MTHFD1L: variants seen among roughly 807,000 people sequenced by gnomAD.
MTHFD1L encodes monofunctional C1-tetrahydrofolate synthase, mitochondrial.
MTHFD1L carries 81 observed loss-of-function variants against 119.5 expected under a neutral mutation model. The observed-to-expected ratio is 0.68, with a 90% CI of 0.57 to 0.82. MTHFD1L has a LOEUF of 0.82. Among genes scored for constraint, MTHFD1L ranks in the 40% least tolerant of loss-of-function variants. The probability of loss-of-function intolerance (pLI) is 0.00; values close to 1 mark genes in which losing one functional copy is unlikely to be tolerated. For synonymous variants in MTHFD1L, 430 were observed against 475.2 expected (o/e 0.90, Z 1.24); for missense variants, 1,125 against 1,253.4 (o/e 0.90, Z 1.55).
chr6:151,024,080 C>T (rs1784317296), intron 24 of MTHFD1L, among the ~76,000 whole-genome samples: 1 of 152,100 alleles, frequency 6.6e-6, no homozygotes, highest in Non-Finnish European at 1.5e-5. Context: ...TTCCAGTCTC[C>T]CCAGTCTCTG....
intron 13 of MTHFD1L, among the ~76,000 whole-genome samples, chr6:150,940,438 C>T (rs531841431): frequency 4.1e-4 from 63 of 152,116 alleles, no homozygotes; most frequent in Non-Finnish European, 8.1e-4. Flanking sequence ...AGACCCAGAA[C>T]CAGGAGGCCA....
intron 26 of MTHFD1L, among the ~76,000 whole-genome samples, chr6:151,087,626 A>G (rs1054590909): frequency 5.3e-5 from 8 of 152,266 alleles, no homozygotes; most frequent in African/African-American, 1.7e-4. Context: ...GTTAGAAATT[A>G]TGATTCTATC....
intron 8 of MTHFD1L, among the ~76,000 whole-genome samples, chr6:150,908,916 T>A (rs1786387177): frequency 6.6e-6 from 1 of 152,110 alleles, no homozygotes; most frequent in Non-Finnish European, 1.5e-5. Flanking sequence ...AGCTCTTATT[T>A]AAACTTAAGA....
chr6:150,874,010 T>A (rs1280758272), intron 1 of MTHFD1L, among the ~76,000 whole-genome samples: 1 of 152,094 alleles, frequency 6.6e-6, no homozygotes, highest in Non-Finnish European at 1.5e-5. Context: ...GTGATCCTTA[T>A]ACCATGAACC....
intron 20 of MTHFD1L, among the ~76,000 whole-genome samples, chr6:150,982,511 A>G (rs2128422981): frequency 6.6e-6 from 1 of 152,332 alleles, no homozygotes; most frequent in East Asian, 1.9e-4. Context: ...ATTCTTGTCC[A>G]TGTCTCTGAG....
chr6:151,019,638 G>A (rs1320135875), intron 24 of MTHFD1L, among the ~76,000 whole-genome samples: 1 of 152,180 alleles, frequency 6.6e-6, no homozygotes, highest in African/African-American at 2.4e-5. Flanking sequence ...TTCGATTTGA[G>A]CTGCATAATT....
At chr6:151,023,457 C>T (rs1191706122) in intron 24 of MTHFD1L, among the ~76,000 whole-genome samples, 4 of 152,212 alleles carry the variant, frequency 2.6e-5, no homozygotes, top group African/African-American at 4.8e-5. Flanking sequence ...CCTCTGCTGG[C>T]CGGCAGTATA....
intron 26 of MTHFD1L, among the ~76,000 whole-genome samples, chr6:151,045,593 C>A (rs370081181): frequency 9.2e-5 from 14 of 152,330 alleles, no homozygotes; most frequent in African/African-American, 3.1e-4. Context: ...CATGCTCTGC[C>A]GGTGAGCTTG....
chr6:151,067,442 G>A (rs1042090346), intron 26 of MTHFD1L, among the ~76,000 whole-genome samples: 2 of 151,924 alleles, frequency 1.3e-5, no homozygotes, highest in African/African-American at 2.4e-5. Context: ...TCGTGCCTCA[G>A]CCTCCTGTGT....
At chr6:150,957,536 G>A (rs922349522) in intron 17 of MTHFD1L, among the ~76,000 whole-genome samples, 7 of 152,050 alleles carry the variant, frequency 4.6e-5, no homozygotes, top group African/African-American at 7.2e-5. Context: ...AATGTGTAAC[G>A]TACAGGAAAA....
Position 150,931,056 on chromosome 6 carries a change from A to G in MTHFD1L, c.1256+4761A>G, listed in dbSNP as rs546767748. ...ACATATTTTCCCAGTTACACTAATG[A>G]AAAGGAATTTTGTTTGAGAACTTGA... On this transcript the variant is annotated intron_variant, in intron 11 of 27. Transcript: ENST00000367321. 3.3e-5 allele frequency among the ~76,000 whole-genome samples: 5 copies of G among 152,302 alleles called. No individual in the cohort carries two copies. The East Asian group carries it at 9.6e-4, about 29-fold the overall frequency.
At chr6:150,891,160 A>G (rs1170889617) in intron 7 of MTHFD1L, among the ~76,000 whole-genome samples, 1 of 151,934 alleles carries the variant, frequency 6.6e-6, no homozygotes, top group Non-Finnish European at 1.5e-5. Flanking sequence ...TAATTTTTGT[A>G]TTTTTAGTAG....
chr6:150,922,646 C>G (rs1789170407), intron 10 of MTHFD1L, among the ~76,000 whole-genome samples: 1 of 100,432 alleles, frequency 1.0e-5, no homozygotes, highest in South Asian at 4.4e-4. Flanking sequence ...CCCCCCCCAC[C>G]CTTTTTTTTT....
chr6:151,078,050 C>G (rs1209730300), intron 26 of MTHFD1L, among the ~76,000 whole-genome samples: 1 of 12,158 alleles, frequency 8.2e-5, no homozygotes, highest in African/African-American at 1.4e-4. Context: ...AAGACTCTGT[C>G]TCAAAAAAAA....
rs1430427999 is a variant in MTHFD1L at position 150,926,117 on chromosome 6, C to T, written c.1083-5C>T. 9.3e-6 allele frequency: 15 copies of T among 1,611,650 alleles called. No homozygotes were observed. Among genetic ancestry groups the T allele is most frequent in the East Asian group, 2.2e-5 (1 of 44,830 alleles). On this transcript the variant is annotated splice_region_variant and splice_polypyrimidine_tract_variant and intron_variant, in intron 10 of 27. Transcript: ENST00000367321. The surrounding 1 kb of genome is among the most constrained non-coding windows in gnomAD (Gnocchi z 4.3). ...TTCTCTCTTTCGTATTGTCTTTCCCCTCAGTGACATTGAGATTTCAAGAGG... is the reference window on the plus strand; with the variant it reads ...TTCTCTCTTTCGTATTGTCTTTCCCTTCAGTGACATTGAGATTTCAAGAGG...
At chr6:150,884,810 A>AT (rs1329948339) in intron 5 of MTHFD1L, among the ~76,000 whole-genome samples, 10 of 152,078 alleles carry the variant, frequency 6.6e-5, no homozygotes, top group Admixed American at 1.3e-4. Flanking sequence ...GTGGTCACTC[A>AT]TTTTTTCCAC....
intron 16 of MTHFD1L, among the ~76,000 whole-genome samples, chr6:150,952,839 C>T (rs1795052858): frequency 6.6e-6 from 1 of 152,190 alleles, no homozygotes; most frequent in African/African-American, 2.4e-5. Flanking sequence ...ATTGTTTCAT[C>T]TTATGCCTCA....
chr6:151,034,719 G>T (rs1158236814), intron 25 of MTHFD1L, 119 bp downstream of exon 25: 2 of 696,148 alleles, frequency 2.9e-6, no homozygotes, highest in Non-Finnish European at 5.1e-6. Context: ...CTATTGTATG[G>T]TTAACAAAGA....
chr6:150,990,219 C>T (rs1312027710), intron 20 of MTHFD1L, among the ~76,000 whole-genome samples: 1 of 151,052 alleles, frequency 6.6e-6, no homozygotes, highest in East Asian at 2.0e-4. Flanking sequence ...GCAGAGGTTG[C>T]AGTGAGCCTA....
Sources: allele counts gnomAD v4.1 joint callset (sites outside exome capture counted in the v4.1 genomes callset), GRCh38; gene constraint gnomAD v4.1.1; non-coding constraint Gnocchi (gnomAD v3.1); transcripts MANE v1.5; gene names NCBI Gene and HGNC (gene_info 2026-07-23, HGNC 2026-07-21).